ZNF429: variants seen among roughly 807,000 people sequenced by gnomAD.
ZNF429 encodes zinc finger protein 429.
Under a neutral mutation model 56.8 loss-of-function variants are expected in ZNF429, and 53 were observed. The observed-to-expected ratio is 0.93, with a 90% confidence interval of 0.75 to 1.17. ZNF429 has a LOEUF of 1.17. Ranked by LOEUF, ZNF429 falls within the 50% of genes most tolerant of loss-of-function variation. The pLI is 0.00. For missense variants in ZNF429, 849 were observed against 788.4 expected (o/e 1.08, Z -0.92); for synonymous variants, 278 against 264.7 (o/e 1.05, Z -0.49).
Position 21,535,401 on chromosome 19 carries a change from C to CTT in ZNF429, c.227-877_227-876dup. On this transcript the variant is annotated intron_variant, in intron 3 of 3. Coordinates refer to ENST00000358491, the MANE Select transcript of ZNF429 (RefSeq NM_001001415.4). ...TCTTTTTTACTTTCTTTCTTTCTTT[C>CTT]TTTCTTTTTCTTTTCTTTCTTTCTT... is the stretch of plus-strand genomic sequence containing the variant. 9.1e-4 allele frequency among the ~76,000 whole-genome samples: 24 copies of CTT among 26,412 alleles called. 2 individuals are homozygous for CTT. Among genetic ancestry groups the CTT allele is most frequent in the South Asian group, 7.6e-3 (6 of 790 alleles). 17.3% of individuals were successfully genotyped at this position (26,412 alleles called of 152,430 possible).
intron 3 of ZNF429, among the ~76,000 whole-genome samples, chr19:21,535,416 CTTTCTTTCTTTCTTTCTTTCTTTCTTT>C: frequency 1.4e-3 from 11 of 7,904 alleles, no homozygotes; most frequent in Non-Finnish European, 3.5e-3. Flanking sequence ...TTTTTCTTTT[CTTTCTTTCTTTCTTTCTTTCTTTCTTT>C]CTTTCTTTCT....
Position 21,535,296 on chromosome 19 carries a change from C to CTTCCTTCT in ZNF429, c.227-981_227-980insCTTCTTTC. Among the ~76,000 whole-genome samples the CTTCCTTCT allele has an allele frequency of 4.1e-3, 335 of 82,660 alleles. 9 individuals are homozygous for CTTCCTTCT. The highest frequency in any genetic ancestry group is 0.018 in the African/African-American group (330 of 18,308). The allele number at this position is 82,660 out of a possible 152,430, so 54.2% of individuals were successfully genotyped here. A position where few individuals can be genotyped will look rare whatever the true frequency, so the allele number is the denominator to read the frequency against. On this transcript the variant is annotated intron_variant, in intron 3 of 3. Transcript: ENST00000358491. ...TGTGAAGTATACCACCATTTCTTTC[C>CTTCCTTCT]TTCTTTCTTTCTTTCTTTCTTTCTT...
intron 1 of ZNF429, among the ~76,000 whole-genome samples, chr19:21,526,800 C>G (rs1279849554): frequency 6.6e-6 from 1 of 152,218 alleles, no homozygotes; most frequent in Non-Finnish European, 1.5e-5. Context: ...TCAGGTCCTG[C>G]AGGAGCAGTC....
chr19:21,508,626 CTA>C (rs775895425), intron 1 of ZNF429, among the ~76,000 whole-genome samples: 30 of 151,588 alleles, frequency 2.0e-4, no homozygotes, highest in South Asian at 4.2e-4. Context: ...TCAGAAAAAT[CTA>C]TCTTTTTTTT....
chr19:21,518,039 C>T (rs964378184), intron 1 of ZNF429, among the ~76,000 whole-genome samples: 6 of 70,554 alleles, frequency 8.5e-5, no homozygotes, highest in South Asian at 4.0e-4. Flanking sequence ...CCACCCACCT[C>T]GGCCTCCCAA....
At chr19:21,532,935 T>C in intron 3 of ZNF429, among the ~76,000 whole-genome samples, 1 of 152,160 alleles carries the variant, frequency 6.6e-6, no homozygotes, top group Non-Finnish European at 1.5e-5. Context: ...TGACAGGTGA[T>C]CTGCCTGCCT....
At chr19:21,517,906 G>A (rs2032825523) in intron 1 of ZNF429, among the ~76,000 whole-genome samples, 3 of 150,164 alleles carry the variant, frequency 2.0e-5, no homozygotes. Context: ...CCATTCACCT[G>A]CCTCTGCCTC....
At chr19:21,515,419 C>G (rs953705054) in intron 1 of ZNF429, among the ~76,000 whole-genome samples, 1 of 151,840 alleles carries the variant, frequency 6.6e-6, no homozygotes, top group Admixed American at 6.6e-5. Context: ...ATGTTTTTTG[C>G]CTACTTTTTA....
intron 1 of ZNF429, among the ~76,000 whole-genome samples, chr19:21,513,073 A>C (rs935200401): frequency 6.6e-6 from 1 of 151,816 alleles, no homozygotes; most frequent in Admixed American, 6.6e-5. Flanking sequence ...GGGTTTCACT[A>C]TGTCAGCCAG....
At chr19:21,509,348 A>AATAG (rs1302091451) in intron 1 of ZNF429, among the ~76,000 whole-genome samples, 1 of 152,210 alleles carries the variant, frequency 6.6e-6, no homozygotes, top group African/African-American at 2.4e-5. Context: ...TTTATAAAGG[A>AATAG]ATAGATACTT....
At position 21,536,325 on chromosome 19, in the gene ZNF429, T is replaced by A; in HGVS notation, c.272T>A (p.Ile91Lys). ...GAAGACTTTTGGCCAGAGCAAGACATAAAAGATTCTTTCCAAAAAGTGACA... is the reference window on the plus strand; with the variant it reads ...GAAGACTTTTGGCCAGAGCAAGACAAAAAAGATTCTTTCCAAAAAGTGACA... ...FAEDFWPEQD[I>K]KDSFQKVTLR... Residue 91 changes from isoleucine to lysine, a missense_variant, in exon 4 of 4, where the codon ATA becomes AAA. Transcript: ENST00000358491. 4 of 1,607,972 alleles carry A rather than the reference T, an allele frequency of 2.5e-6. No homozygotes were observed. Among genetic ancestry groups the A allele is most frequent in the Non-Finnish European group, 3.4e-6 (4 of 1,177,964 alleles).
chr19:21,522,531 T>TA (rs2033019547), intron 1 of ZNF429, among the ~76,000 whole-genome samples: 1 of 152,186 alleles, frequency 6.6e-6, no homozygotes, highest in Non-Finnish European at 1.5e-5. Flanking sequence ...ATACATGATA[T>TA]AAACATATTA....
At position 21,538,191 on chromosome 19, in the gene ZNF429, A is replaced by G; in HGVS notation, c.*113A>G. 2.4e-6 allele frequency: 1 copy of G among 420,118 alleles called. No homozygotes were observed. Among genetic ancestry groups the G allele is most frequent in the Non-Finnish European group, 4.2e-6 (1 of 238,154 alleles). 26.0% of individuals were successfully genotyped at this position (420,118 alleles called of 1,614,324 possible). ...CTACTCGGGAGGCTGAGGCAGGAGA[A>G]TGGCCTGAACCCGGAGGTGGAGCTT... On this transcript the variant is annotated 3_prime_UTR_variant, in exon 4 of 4. Coordinates refer to ENST00000358491, the MANE Select transcript of ZNF429 (RefSeq NM_001001415.4).
In ZNF429 at chr19:21,536,290, TC is replaced by T. The variant is rs2033666047; in HGVS notation, c.238del (p.His80IlefsTer12). 3.2e-6 allele frequency: 5 copies of T among 1,571,812 alleles called. No homozygotes were observed. The highest frequency in any genetic ancestry group is 2.6e-6 in the Non-Finnish European group (3 of 1,162,932). ...MVDEPPVVCS[H>X]FAEDFWPEQD... The stretch of plus-strand genomic sequence containing the variant: ...TTAATTTTATTTTAGTTGTGTGTTC[TC>T]ATTTTGCTGAAGACTTTTGGCCAGA... On this transcript the variant is annotated frameshift_variant, in exon 4 of 4. Coordinates refer to ENST00000358491, the MANE Select transcript of ZNF429 (RefSeq NM_001001415.4). LOFTEE classifies it high-confidence loss of function.
intron 2 of ZNF429, 33 bp downstream of exon 2, chr19:21,529,817 T>C: frequency 1.4e-5 from 19 of 1,350,720 alleles, no homozygotes; most frequent in African/African-American, 3.0e-5. Context: ...ATTCCTAATA[T>C]ACCCTAAATG....
intron 3 of ZNF429, among the ~76,000 whole-genome samples, chr19:21,533,704 G>A: frequency 6.6e-6 from 1 of 151,074 alleles, no homozygotes; most frequent in Non-Finnish European, 1.5e-5. Flanking sequence ...TGCCCAGGCT[G>A]GAGTGTACCG....
intron 1 of ZNF429, among the ~76,000 whole-genome samples, chr19:21,522,763 G>A (rs2033028291): frequency 6.6e-6 from 1 of 152,144 alleles, no homozygotes; most frequent in African/African-American, 2.4e-5. Flanking sequence ...CGGGCATGAT[G>A]GCAGGTGCCT....
At chr19:21,511,550 A>G (rs1181339353) in intron 1 of ZNF429, among the ~76,000 whole-genome samples, 5 of 151,028 alleles carry the variant, frequency 3.3e-5, no homozygotes, top group Non-Finnish European at 5.9e-5. Context: ...CTCACTTCCT[A>G]GATGGGATGG....
At chr19:21,529,393 A>C (rs2033287966) in intron 1 of ZNF429, 1 of 548,560 alleles carries the variant, frequency 1.8e-6, no homozygotes, top group African/African-American at 2.1e-5. Flanking sequence ...TTAATTTTAT[A>C]CTTTATCACT....
Sources: gnomAD v4.1 joint callset for allele counts (sites outside exome capture counted in the v4.1 genomes callset) on GRCh38, gnomAD v4.1.1 for gene constraint, MANE v1.5 for transcripts, NCBI Gene and HGNC (gene_info 2026-07-23, HGNC 2026-07-21) for gene names.